GRID2: variants seen among roughly 807,000 people sequenced by gnomAD.
GRID2 encodes glutamate ionotropic receptor delta type subunit 2.
GRID2 carries 33 observed loss-of-function variants against 114.8 expected under a neutral mutation model. That is an observed-to-expected ratio of 0.29 (90% CI 0.22 to 0.38). The LOEUF (loss-of-function observed/expected upper bound fraction) is 0.38, where lower values mean the gene tolerates loss of function less well. GRID2 is among the 10% of genes least tolerant of loss of function. The probability of loss-of-function intolerance (pLI) is 1.00; values close to 1 mark genes in which losing one functional copy is unlikely to be tolerated. For missense variants in GRID2, 1,184 were observed against 1,257.7 expected (o/e 0.94, Z 0.89); for synonymous variants, 505 against 449.9 (o/e 1.12, Z -1.55).
chr4:92,670,781 A>C (rs1051058236), intron 2 of GRID2, among the ~76,000 whole-genome samples: 1 of 152,060 alleles, frequency 6.6e-6, no homozygotes, highest in South Asian at 2.1e-4. Context: ...TGTTATTTCT[A>C]CATTACAAAT....
At chr4:93,103,397 C>T (rs1731889106) in intron 3 of GRID2, among the ~76,000 whole-genome samples, 1 of 152,050 alleles carries the variant, frequency 6.6e-6, no homozygotes, top group Admixed American at 6.6e-5. Flanking sequence ...AGTTAATCTG[C>T]TTTTCTTAGG....
At chr4:93,455,610 T>G in intron 10 of GRID2, 52 bp from the exon 11 acceptor site, 1 of 1,261,382 alleles carries the variant, frequency 7.9e-7, no homozygotes, top group East Asian at 2.3e-5. Context: ...GTGGCACAAA[T>G]GAAATTGTTT....
chr4:93,506,381 C>T (rs1463961764), intron 12 of GRID2, among the ~76,000 whole-genome samples: 1 of 152,168 alleles, frequency 6.6e-6, no homozygotes, highest in Non-Finnish European at 1.5e-5. Context: ...TAGATGTGCC[C>T]TTCTCATGAA....
At chr4:93,414,685 T>TTATATATATATATATA (rs34416042) in intron 9 of GRID2, among the ~76,000 whole-genome samples, 1,405 of 140,412 alleles carry the variant, frequency 0.01, 24 homozygotes, top group African/African-American at 0.035. Context: ...ATCTGACATT[T>TTATATATATATATATA]TATATATATA....
chr4:92,815,763 A>G (rs1740864861), intron 2 of GRID2, among the ~76,000 whole-genome samples: 1 of 151,428 alleles, frequency 6.6e-6, no homozygotes, highest in African/African-American at 2.4e-5. Flanking sequence ...ATAAATAAAT[A>G]AATAAAAACT....
Position 93,314,505 on chromosome 4 carries a change from T to G in GRID2, c.1245+76015T>G, listed in dbSNP as rs1398688775. On this transcript the variant is annotated intron_variant, in intron 8 of 15. Coordinates refer to ENST00000282020, the MANE Select transcript of GRID2 (RefSeq NM_001510.4). ...TTCACTGGAACATTCTCTTTACAAT[T>G]TCATCTAAAGACCTTTGCCTGAAAT... Among the ~76,000 whole-genome samples the G allele has an allele frequency of 3.3e-5, 5 of 152,000 alleles. No individual in the cohort carries two copies. In the East Asian group the frequency reaches 9.7e-4, roughly 29 times the overall value.
intron 1 of GRID2, among the ~76,000 whole-genome samples, chr4:92,570,690 T>C (rs1055669933): frequency 1.4e-5 from 2 of 146,334 alleles, no homozygotes; most frequent in Admixed American, 1.3e-4. Context: ...ATCTCCTAGG[T>C]ATTTTATTCT....
chr4:93,140,169 T>TTTG (rs929624207), intron 4 of GRID2, among the ~76,000 whole-genome samples: 5 of 148,136 alleles, frequency 3.4e-5, no homozygotes, highest in African/African-American at 1.2e-4. Context: ...TCTTTTTTTT[T>TTTG]TTTTTTTGAG....
intron 2 of GRID2, among the ~76,000 whole-genome samples, chr4:92,948,784 A>G (rs1553955782): frequency 6.6e-6 from 1 of 152,066 alleles, no homozygotes; most frequent in Non-Finnish European, 1.5e-5. Context: ...AATTAGTACA[A>G]TCTCTGAGAA....
At chr4:92,382,440 T>C (rs1041312849) in intron 1 of GRID2, among the ~76,000 whole-genome samples, 15 of 152,044 alleles carry the variant, frequency 9.9e-5, no homozygotes, top group Non-Finnish European at 1.9e-4. Context: ...GATTAATGTC[T>C]TTTTGTTCTT....
intron 13 of GRID2, among the ~76,000 whole-genome samples, chr4:93,619,910 G>A (rs896021261): frequency 1.3e-5 from 2 of 152,182 alleles, no homozygotes; most frequent in African/African-American, 2.4e-5. Flanking sequence ...ATACCTTACA[G>A]GCAAAGGCTA....
chr4:93,708,603 G>GT (rs929755418), intron 14 of GRID2, among the ~76,000 whole-genome samples: 9 of 151,702 alleles, frequency 5.9e-5, no homozygotes, highest in Admixed American at 3.3e-4. Context: ...GTTGAATGTT[G>GT]TTTTTTTAAT....
chr4:92,852,070 CATT>C (rs757129801), intron 2 of GRID2, among the ~76,000 whole-genome samples: 11 of 151,784 alleles, frequency 7.2e-5, no homozygotes, highest in Non-Finnish European at 1.5e-5. Context: ...GCATTAAAAA[CATT>C]ATTAAAGTAT....
At chr4:93,661,824 A>G (rs1723522109) in intron 14 of GRID2, among the ~76,000 whole-genome samples, 1 of 152,200 alleles carries the variant, frequency 6.6e-6, no homozygotes, top group Non-Finnish European at 1.5e-5. Context: ...AGTGTCATCA[A>G]CAAAACAACA....
intron 14 of GRID2, among the ~76,000 whole-genome samples, chr4:93,661,542 T>G (rs762851326): frequency 4.6e-5 from 7 of 152,186 alleles, no homozygotes; most frequent in Non-Finnish European, 8.8e-5. Context: ...GCCATGAGCT[T>G]AATGTTTGTG....
At chr4:92,486,526 C>G (rs1722894211) in intron 1 of GRID2, among the ~76,000 whole-genome samples, 1 of 141,746 alleles carries the variant, frequency 7.1e-6, no homozygotes, top group East Asian at 2.2e-4. Flanking sequence ...TGTAAAATAG[C>G]CTTATAAATC....
At chr4:93,724,967 G>T (rs1729715198) in intron 14 of GRID2, among the ~76,000 whole-genome samples, 2 of 151,788 alleles carry the variant, frequency 1.3e-5, no homozygotes, top group South Asian at 4.2e-4. Context: ...TTTTTTAGTA[G>T]AGATGAGTTT....
intron 2 of GRID2, among the ~76,000 whole-genome samples, chr4:92,857,699 A>ATT (rs1744268725): frequency 6.6e-6 from 1 of 152,220 alleles, no homozygotes; most frequent in Admixed American, 6.5e-5. Context: ...AAGCTGCAGA[A>ATT]TGTTATTGAG....
chr4:93,053,256 G>T (rs776188004), intron 2 of GRID2, among the ~76,000 whole-genome samples: 23 of 151,940 alleles, frequency 1.5e-4, no homozygotes, highest in Non-Finnish European at 2.8e-4. Flanking sequence ...AAACACTAGT[G>T]GTCAACACCA....
Sources: allele counts gnomAD v4.1 joint callset (sites outside exome capture counted in the v4.1 genomes callset), GRCh38; gene constraint gnomAD v4.1.1; transcripts MANE v1.5; gene names NCBI Gene and HGNC (gene_info 2026-07-23, HGNC 2026-07-21).